Variants in FYN observed in about 807,000 individuals in gnomAD.
The protein encoded by FYN is FYN proto-oncogene, Src family tyrosine kinase.
In FYN, 10 loss-of-function variants were observed where a neutral mutation model predicts 70.2. That is an observed-to-expected ratio of 0.14 (90% CI 0.09 to 0.24). The LOEUF (loss-of-function observed/expected upper bound fraction) is 0.24, where lower values mean the gene tolerates loss of function less well. Among genes scored for constraint, FYN ranks in the 10% least tolerant of loss-of-function variants. FYN has a pLI of 1.00. For missense variants in FYN, 319 were observed against 673.1 expected (o/e 0.47, Z 5.82); for synonymous variants, 236 against 248.6 (o/e 0.95, Z 0.48).
At chr6:111,845,797 G>A (rs764072921) in intron 2 of FYN, among the ~76,000 whole-genome samples, 2 of 152,154 alleles carry the variant, frequency 1.3e-5, no homozygotes, top group South Asian at 4.1e-4. Context: ...GGTGGCTAGC[G>A]AGAGCTGCGA....
At position 111,694,819 on chromosome 6, in the gene FYN, C is replaced by A. The variant is rs1050977081; in HGVS notation, c.1043-115G>T. The A allele has an allele frequency of 1.5e-5, 13 of 840,236 alleles. No homozygotes were observed. In the African/African-American group the frequency reaches 1.9e-4, roughly 12 times the overall value. The allele number at this position is 840,236 out of a possible 1,614,324, so 52.0% of individuals were successfully genotyped here. A position where few individuals can be genotyped will look rare whatever the true frequency, so the allele number is the denominator to read the frequency against. On this transcript the variant is annotated intron_variant, in intron 10 of 13. Transcript: ENST00000354650. This position sits in a 1 kb window ranked among gnomAD's most constrained non-coding sequence, Gnocchi z 5.0. ...AGGTAGTCAAATGGAATAATGCCAT[C>A]CACATGGGGGGACAAAAAGGTTTAT...
chr6:111,666,649 A>G (rs1037999080), intron 13 of FYN, among the ~76,000 whole-genome samples: 3 of 152,180 alleles, frequency 2.0e-5, no homozygotes, highest in Admixed American at 6.5e-5. Context: ...CGTGGGCAAC[A>G]TGTTAAAACC....
At chr6:111,690,476 T>C (rs1799269249) in intron 12 of FYN, among the ~76,000 whole-genome samples, 1 of 152,226 alleles carries the variant, frequency 6.6e-6, no homozygotes, top group Non-Finnish European at 1.5e-5. Flanking sequence ...TTTCTGTTAT[T>C]GGTAATGCCA....
In FYN at chr6:111,701,014, C is replaced by T. The variant is rs534645064; in HGVS notation, c.698-746G>A. Among the ~76,000 whole-genome samples, 31 of 149,380 alleles carry T rather than the reference C, an allele frequency of 2.1e-4. 1 individual carries two copies. In the South Asian group the frequency reaches 2.3e-3, roughly 11 times the overall value. ...AAAAAAACAACTTTTTAACAGTCTT[C>T]GACGTATAATTTAGGTGTCTGGTTT... On this transcript the variant is annotated intron_variant, in intron 8 of 13. Transcript: ENST00000354650.
In FYN at chr6:111,670,686, G is replaced by A. The variant is rs540441387; in HGVS notation, c.1405+3813C>T. ...TGAAAGGCAAAGGGAAGCCGTGGAC[G>A]TTTTTAACTAGCAGGGTGAGATAAC... is the stretch of plus-strand genomic sequence containing the variant. On this transcript the variant is annotated intron_variant, in intron 13 of 13. Coordinates refer to ENST00000354650, the MANE Select transcript of FYN (RefSeq NM_002037.5). Among the ~76,000 whole-genome samples the A allele has an allele frequency of 3.2e-4, 40 of 124,822 alleles. No homozygotes were observed. The Admixed American group carries it at 3.2e-3, about 10-fold the overall frequency. The allele number at this position is 124,822 out of a possible 152,430, so 81.9% of individuals were successfully genotyped here.
intron 12 of FYN, among the ~76,000 whole-genome samples, chr6:111,676,095 C>T (rs1049873552): frequency 9.9e-5 from 15 of 151,926 alleles, no homozygotes; most frequent in South Asian, 4.1e-4. Flanking sequence ...ACAAAAGTGG[C>T]GAATGATTAA....
At chr6:111,685,585 C>A (rs1439818447) in intron 12 of FYN, among the ~76,000 whole-genome samples, 1 of 152,158 alleles carries the variant, frequency 6.6e-6, no homozygotes, top group Non-Finnish European at 1.5e-5. Flanking sequence ...TCCATGATTA[C>A]CCAGATGATG....
At chr6:111,843,493 T>G (rs1434209490) in intron 2 of FYN, among the ~76,000 whole-genome samples, 3 of 152,222 alleles carry the variant, frequency 2.0e-5, no homozygotes, top group Non-Finnish European at 4.4e-5. Context: ...AGAAAATATT[T>G]GCTTTAATGT....
chr6:111,741,100 CAA>C (rs201418574), intron 3 of FYN: 80 of 102,796 alleles, frequency 7.8e-4, no homozygotes, highest in Middle Eastern at 5.9e-3. Flanking sequence ...GACCCTGTCT[CAA>C]AAAAAAAAAA....
chr6:111,772,807 C>T lies in FYN; in HGVS notation c.-12+7759G>A, dbSNP rs550480253. On this transcript the variant is annotated intron_variant, in intron 3 of 13. Transcript: ENST00000354650. ...ATATAATGAATGAAGGAAAAGTTAT[C>T]AACCAAATTCATCAAGTGTATTTGA... Among the ~76,000 whole-genome samples, 5 of 119,520 alleles carry T rather than the reference C, an allele frequency of 4.2e-5. No homozygotes were observed. The South Asian group carries it at 1.4e-3, about 34-fold the overall frequency. The allele number at this position is 119,520 out of a possible 152,430, so 78.4% of individuals were successfully genotyped here. A position where few individuals can be genotyped will look rare whatever the true frequency, so the allele number is the denominator to read the frequency against.
At chr6:111,799,893 G>C (rs2182643) in intron 2 of FYN, among the ~76,000 whole-genome samples, 26 of 152,172 alleles carry the variant, frequency 1.7e-4, no homozygotes, top group Admixed American at 1.4e-3. Context: ...AGGCAGCCAC[G>C]GGTGACATTT....
intron 7 of FYN, 140 bp downstream of exon 7, chr6:111,703,859 T>G (rs1051273448): frequency 6.2e-6 from 4 of 648,026 alleles, no homozygotes; most frequent in Non-Finnish European, 1.1e-5. Flanking sequence ...GAGGGAAGAC[T>G]GAAAACAGGA....
At chr6:111,769,309 T>C (rs907579485) in intron 3 of FYN, among the ~76,000 whole-genome samples, 6 of 152,218 alleles carry the variant, frequency 3.9e-5, no homozygotes, top group African/African-American at 1.4e-4. Context: ...GGGACAATCT[T>C]TTCCCTATTT....
chr6:111,813,618 T>TA (rs1275513358), intron 2 of FYN, among the ~76,000 whole-genome samples: 1 of 152,112 alleles, frequency 6.6e-6, no homozygotes, highest in Non-Finnish European at 1.5e-5. Flanking sequence ...CTCCACACCA[T>TA]AATGAGAAGT....
intron 3 of FYN, among the ~76,000 whole-genome samples, chr6:111,734,593 T>C (rs905216446): frequency 6.6e-6 from 1 of 152,068 alleles, no homozygotes; most frequent in Non-Finnish European, 1.5e-5. Flanking sequence ...GAGGCTCCAC[T>C]TCTCTCTGGC....
At chr6:111,699,359 G>A (rs1799726417) in intron 9 of FYN, among the ~76,000 whole-genome samples, 1 of 152,158 alleles carries the variant, frequency 6.6e-6, no homozygotes, top group African/African-American at 2.4e-5. Context: ...GCACAGCAAG[G>A]TATCAGCATA....
Position 111,762,945 on chromosome 6 carries a change from A to G in FYN, c.-12+17621T>C, listed in dbSNP as rs552292042. ...TTCTGTGACTCTGACTCCTTTGATAAGAGACATTTACATTTATGCTCTCCA... is the reference window on the plus strand; with the variant it reads ...TTCTGTGACTCTGACTCCTTTGATAGGAGACATTTACATTTATGCTCTCCA... On this transcript the variant is annotated intron_variant, in intron 3 of 13. Coordinates refer to ENST00000354650, the MANE Select transcript of FYN (RefSeq NM_002037.5). Among the ~76,000 whole-genome samples the G allele has an allele frequency of 1.6e-4, 25 of 152,304 alleles. No homozygotes were observed. The East Asian group carries it at 1.9e-3, about 12-fold the overall frequency.
intron 13 of FYN, among the ~76,000 whole-genome samples, chr6:111,666,526 T>G (rs1798016144): frequency 6.6e-6 from 1 of 152,196 alleles, no homozygotes; most frequent in South Asian, 2.1e-4. Context: ...CAGGCCATTG[T>G]GGTGGGTCAC....
chr6:111,709,555 T>C (rs973024636), intron 5 of FYN, among the ~76,000 whole-genome samples: 19 of 152,248 alleles, frequency 1.2e-4, no homozygotes, highest in Admixed American at 3.3e-4. Context: ...CCTTATGCTT[T>C]AATTTAGTTT....
Sources: gnomAD v4.1 joint callset for allele counts (sites outside exome capture counted in the v4.1 genomes callset) on GRCh38, gnomAD v4.1.1 for gene constraint, Gnocchi (gnomAD v3.1) non-coding constraint, MANE v1.5 for transcripts, NCBI Gene and HGNC (gene_info 2026-07-23, HGNC 2026-07-21) for gene names.